SFMBT2: variants seen among roughly 807,000 people sequenced by gnomAD.
The protein encoded by SFMBT2 is scm-like with four MBT domains protein 2.
Under a neutral mutation model 110.1 loss-of-function variants are expected in SFMBT2, and 38 were observed. The ratio of observed to expected loss-of-function variants is 0.35; its 90% CI spans 0.27 to 0.45. The LOEUF is 0.45. Ranked by LOEUF, SFMBT2 falls within the 20% of genes least tolerant of loss-of-function variation. The pLI is 1.00. For synonymous variants in SFMBT2, 425 were observed against 425.4 expected (o/e 1.00, Z 0.01); for missense variants, 1,011 against 1,094.9 (o/e 0.92, Z 1.08).
At chr10:7,208,921 G>A (rs913408741) in intron 11 of SFMBT2, among the ~76,000 whole-genome samples, 3 of 152,070 alleles carry the variant, frequency 2.0e-5, no homozygotes, top group Non-Finnish European at 2.9e-5. Context: ...GGTCAGATGC[G>A]TCGGCTACCT....
intron 4 of SFMBT2, among the ~76,000 whole-genome samples, chr10:7,357,312 G>A (rs1325687802): frequency 6.6e-6 from 1 of 152,182 alleles, no homozygotes; most frequent in Non-Finnish European, 1.5e-5. Context: ...CTGTGAAGGT[G>A]TTGTTGGATG....
intron 11 of SFMBT2, among the ~76,000 whole-genome samples, chr10:7,218,805 A>C (rs1839626946): frequency 6.6e-6 from 1 of 152,206 alleles, no homozygotes; most frequent in African/African-American, 2.4e-5. Context: ...GGTCTGGGGA[A>C]TTAAGCAACA....
At chr10:7,164,764 C>G (rs961894501) in intron 20 of SFMBT2, among the ~76,000 whole-genome samples, 1 of 150,798 alleles carries the variant, frequency 6.6e-6, no homozygotes, top group Non-Finnish European at 1.5e-5. Context: ...CACACACACA[C>G]ACACACACAC....
At chr10:7,375,800 C>A (rs867964590) in intron 2 of SFMBT2, among the ~76,000 whole-genome samples, 3 of 113,378 alleles carry the variant, frequency 2.6e-5, no homozygotes, top group African/African-American at 6.6e-5. Context: ...CACACACACA[C>A]AAATCACCTA....
rs183293067 is a variant in SFMBT2, at chr10:7,320,492, T to G, written c.437-34538A>C. 3 of 663,298 alleles carry G rather than the reference T, an allele frequency of 4.5e-6. No individual in the cohort carries two copies. In the Admixed American group the frequency reaches 1.9e-4, roughly 42 times the overall value. The allele number at this position is 663,298 out of a possible 1,614,324, so 41.1% of individuals were successfully genotyped here. On this transcript the variant is annotated intron_variant, in intron 4 of 20. Coordinates refer to ENST00000397167, the MANE Select transcript of SFMBT2 (RefSeq NM_001387889.1). ...CCTTTGAAATCTTCTTTCCTTCTAT[T>G]TTTTTCCTGGAGAATCACTGGAGTA...
In SFMBT2 at chr10:7,162,091, G is replaced by A. The variant is rs1837564271; in HGVS notation, c.*1679C>T. ...TGAGTGGAGATATGGAATCGCTCAT[G>A]AGGATATGGAGATGGCTTCTGGTCC... On this transcript the variant is annotated 3_prime_UTR_variant, in exon 21 of 21. Coordinates refer to ENST00000397167, the MANE Select transcript of SFMBT2 (RefSeq NM_001387889.1). 1 of 152,210 alleles carries A rather than the reference G, an allele frequency of 6.6e-6. No homozygotes were observed. The highest frequency in any genetic ancestry group is 2.4e-5 in the African/African-American group (1 of 41,436). 9.4% of individuals were successfully genotyped at this position (152,210 alleles called of 1,614,324 possible).
intron 15 of SFMBT2, among the ~76,000 whole-genome samples, chr10:7,195,640 C>CCT (rs1419721848): frequency 6.6e-6 from 1 of 152,066 alleles, no homozygotes; most frequent in Non-Finnish European, 1.5e-5. Flanking sequence ...AGGATCCTCT[C>CCT]CTCTTCCCTC....
chr10:7,409,971 C>A (rs778783451), intron 1 of SFMBT2, among the ~76,000 whole-genome samples: 1 of 151,806 alleles, frequency 6.6e-6, no homozygotes, highest in Non-Finnish European at 1.5e-5. Context: ...CCCCTTCCCA[C>A]CGCCCCTGGT....
At chr10:7,183,490 TA>T (rs1838303566) in intron 16 of SFMBT2, among the ~76,000 whole-genome samples, 1 of 152,224 alleles carries the variant, frequency 6.6e-6, no homozygotes, top group Non-Finnish European at 1.5e-5. Context: ...AAGATTATTT[TA>T]AGCTCAAGAT....
intron 4 of SFMBT2, among the ~76,000 whole-genome samples, chr10:7,326,949 G>A (rs1409877): frequency 0.42 from 64,496 of 151,812 alleles, 14,694 homozygotes; most frequent in African/African-American, 0.61. Flanking sequence ...TTTGGGTAAT[G>A]TATTTTAGGA....
intron 13 of SFMBT2, among the ~76,000 whole-genome samples, chr10:7,201,651 C>G (rs1308195837): frequency 6.6e-6 from 1 of 152,192 alleles, no homozygotes; most frequent in Non-Finnish European, 1.5e-5. Context: ...GTCTTTCCAT[C>G]AGTGTATTTT....
chr10:7,163,422 T>C lies in SFMBT2; in HGVS notation c.*348A>G. On this transcript the variant is annotated 3_prime_UTR_variant, in exon 21 of 21. Coordinates refer to ENST00000397167, the MANE Select transcript of SFMBT2 (RefSeq NM_001387889.1). This position sits in a 1 kb window ranked among gnomAD's most constrained non-coding sequence, Gnocchi z 4.8. ...AGGTTTCTTCCTTGGCGACATTCTTTGTTTTCAAAGAATGCAGTCCTCATC... is the reference window on the plus strand; with the variant it reads ...AGGTTTCTTCCTTGGCGACATTCTTCGTTTTCAAAGAATGCAGTCCTCATC... The C allele has an allele frequency of 4.7e-6, 1 of 210,814 alleles. No homozygotes were observed. Among genetic ancestry groups the C allele is most frequent in the East Asian group, 1.3e-4 (1 of 7,524 alleles). The allele number at this position is 210,814 out of a possible 1,614,324, so 13.1% of individuals were successfully genotyped here.
chr10:7,181,810 G>A (rs1044111546), intron 16 of SFMBT2, among the ~76,000 whole-genome samples: 2 of 152,038 alleles, frequency 1.3e-5, no homozygotes, highest in Non-Finnish European at 2.9e-5. Context: ...CTGAACATAC[G>A]AAGATACAGC....
chr10:7,268,058 G>A (rs1387132544), intron 7 of SFMBT2, among the ~76,000 whole-genome samples: 2 of 152,324 alleles, frequency 1.3e-5, no homozygotes, highest in Admixed American at 1.3e-4. Context: ...CAAACACGTA[G>A]GATCTCAGAT....
chr10:7,197,797 T>C, intron 14 of SFMBT2, 110 bp from the exon 15 acceptor site: 1 of 1,409,414 alleles, frequency 7.1e-7, no homozygotes, highest in South Asian at 1.6e-5. Flanking sequence ...CACACAGAGC[T>C]GTCCGAGGTC....
intron 9 of SFMBT2, among the ~76,000 whole-genome samples, chr10:7,239,521 C>A (rs989184305): frequency 6.6e-6 from 1 of 152,148 alleles, no homozygotes; most frequent in Non-Finnish European, 1.5e-5. Flanking sequence ...ACACCACTAC[C>A]ACAATCACCA....
chr10:7,281,239 C>T (rs566982970), intron 6 of SFMBT2, among the ~76,000 whole-genome samples: 24 of 152,158 alleles, frequency 1.6e-4, no homozygotes, highest in Non-Finnish European at 2.8e-4. Flanking sequence ...GAGTGAGACC[C>T]TGTCTCAAAA....
intron 20 of SFMBT2, among the ~76,000 whole-genome samples, chr10:7,168,518 T>C (rs1184504145): frequency 6.6e-6 from 1 of 152,224 alleles, no homozygotes. Context: ...GTATGTTGAA[T>C]GCACACAGGG....
chr10:7,288,311 C>G (rs1022855786), intron 4 of SFMBT2, among the ~76,000 whole-genome samples: 1 of 152,226 alleles, frequency 6.6e-6, no homozygotes, highest in African/African-American at 2.4e-5. Context: ...CCTTATATGG[C>G]AACGTCCCAG....
Sources: allele counts gnomAD v4.1 joint callset (sites outside exome capture counted in the v4.1 genomes callset), GRCh38; gene constraint gnomAD v4.1.1; non-coding constraint Gnocchi (gnomAD v3.1); transcripts MANE v1.5; gene names NCBI Gene and HGNC (gene_info 2026-07-23, HGNC 2026-07-21).